The following MDN1 variants were observed in gnomAD, a reference collection of about 807,000 sequenced individuals.
MDN1 encodes the protein midasin AAA ATPase 1.
Under a neutral mutation model 669.2 loss-of-function variants are expected in MDN1, and 266 were observed. That is an observed-to-expected ratio of 0.40 (90% CI 0.36 to 0.44). The LOEUF (loss-of-function observed/expected upper bound fraction) is 0.44. MDN1 is among the 20% of genes least tolerant of loss of function. The probability of loss-of-function intolerance (pLI) is 1.00; values close to 1 mark genes in which losing one functional copy is unlikely to be tolerated. For synonymous variants in MDN1, 2,385 were observed against 2,457.1 expected, an observed-to-expected ratio of 0.97 and a Z score of 0.87; for missense variants, 5,940 against 6,754.0, an observed-to-expected ratio of 0.88 and a Z score of 4.22.
chr6:89,658,080 G>C, intron 90 of MDN1, 129 bp downstream of exon 90: 1 of 1,119,838 alleles, frequency 8.9e-7, no homozygotes, highest in Non-Finnish European at 1.3e-6. Context: ...TCTGTTAGAT[G>C]TCAACAACAA....
intron 37 of MDN1, among the ~76,000 whole-genome samples, chr6:89,726,634 T>C (rs1815258255): frequency 1.3e-5 from 2 of 152,186 alleles, no homozygotes; most frequent in Non-Finnish European, 2.9e-5. Context: ...AGTGAGTTAA[T>C]ACAGCTGATT....
At chr6:89,740,086 T>C in intron 32 of MDN1, 148 bp downstream of exon 32, 1 of 866,542 alleles carries the variant, frequency 1.2e-6, no homozygotes, top group Non-Finnish European at 1.7e-6. Flanking sequence ...ACCCAATAAT[T>C]ATTTTAAAAT....
At position 89,802,388 on chromosome 6, in the gene MDN1, A is replaced by G. The variant is rs188120934; in HGVS notation, c.329+940T>C. ...GACTAATAAATAAAACACTGGATAT[A>G]AGAAATGTTCTGTTGGCCGGGCACA... On this transcript the variant is annotated intron_variant, in intron 2 of 101. Coordinates refer to ENST00000369393, the MANE Select transcript of MDN1 (RefSeq NM_014611.3). Among the ~76,000 whole-genome samples the G allele has an allele frequency of 8.6e-3, 1,314 of 152,368 alleles. 10 individuals carry two copies. Among genetic ancestry groups the G allele is most frequent in the Middle Eastern group, 0.027 (8 of 294 alleles).
chr6:89,663,070 G>T (rs1339738993), intron 85 of MDN1, 103 bp from the exon 86 acceptor site: 13 of 1,279,000 alleles, frequency 1.0e-5, no homozygotes, highest in Non-Finnish European at 1.4e-5. Flanking sequence ...CCCCACCTGA[G>T]ATTTATTGCC....
chr6:89,818,938 G>A (rs1461769824), intron 1 of MDN1, among the ~76,000 whole-genome samples: 1 of 152,176 alleles, frequency 6.6e-6, no homozygotes, highest in Non-Finnish European at 1.5e-5. Flanking sequence ...CAGTGAGTAT[G>A]AGCTGTCTTG....
chr6:89,818,709 T>C (rs932043489), intron 1 of MDN1, among the ~76,000 whole-genome samples: 3 of 150,486 alleles, frequency 2.0e-5, no homozygotes, highest in Non-Finnish European at 4.4e-5. Flanking sequence ...ACTGAGAGGG[T>C]GAGGCAGGAG....
At chr6:89,670,074 G>A (rs1332677493) in intron 83 of MDN1, among the ~76,000 whole-genome samples, 5 of 142,066 alleles carry the variant, frequency 3.5e-5, no homozygotes, top group African/African-American at 1.3e-4. Flanking sequence ...GTGGTGGCAC[G>A]TGCCTGTAAT....
intron 15 of MDN1, among the ~76,000 whole-genome samples, chr6:89,770,350 G>A (rs1333241153): frequency 1.3e-5 from 2 of 149,566 alleles, no homozygotes; most frequent in Admixed American, 1.3e-4. Flanking sequence ...GTTGCAGTGA[G>A]CAGAGATCGC....
In MDN1 at chr6:89,700,063, C is replaced by G; in HGVS notation, c.8870G>C (p.Arg2957Thr). The change falls in exon 57 of 102, where the codon AGA becomes ACA. Residue 2957 changes from arginine to threonine, a missense_variant and splice_region_variant. By Grantham distance (71) the Arg-to-Thr change is moderately conservative. Coordinates refer to ENST00000369393, the MANE Select transcript of MDN1 (RefSeq NM_014611.3). ...GAAAACAACTGAAAGCATGGTTTAC[C>G]TTCTGAGACAAGCTTGTGCCATAAA... is the stretch of plus-strand genomic sequence containing the variant. ...ADFMAQACLRRCSKNQQPQIN... is the reference protein window; with the variant it reads ...ADFMAQACLRTCSKNQQPQIN... 4 of 1,613,416 alleles carry G rather than the reference C, an allele frequency of 2.5e-6. No homozygotes were observed. The highest frequency in any genetic ancestry group is 3.4e-6 in the Non-Finnish European group (4 of 1,179,460).
intron 40 of MDN1, among the ~76,000 whole-genome samples, chr6:89,721,052 C>T (rs1014649111): frequency 2.6e-5 from 4 of 152,142 alleles, no homozygotes; most frequent in African/African-American, 9.7e-5. Flanking sequence ...GTGGGAAGAT[C>T]CCTTGAGCCC....
chr6:89,670,162 A>T lies in MDN1; in HGVS notation c.13956+757T>A, dbSNP rs1427195998. ...AACATATATATATATATATATATAT[A>T]TATATATATTTTTTTTTTTTTTTTT... On this transcript the variant is annotated intron_variant, in intron 83 of 101. Transcript: ENST00000369393. Among the ~76,000 whole-genome samples, 36 of 22,280 alleles carry T rather than the reference A, an allele frequency of 1.6e-3. 2 individuals carry two copies. The East Asian group carries it at 0.028, about 18-fold the overall frequency. The allele number at this position is 22,280 out of a possible 152,430, so 14.6% of individuals were successfully genotyped here.
At chr6:89,708,417 A>AT (rs1285574486) in intron 51 of MDN1, 79 bp downstream of exon 51, 1 of 1,538,188 alleles carries the variant, frequency 6.5e-7, no homozygotes, top group Non-Finnish European at 8.8e-7. Context: ...CACATAAGCT[A>AT]TTTGACAGAT....
In MDN1 at chr6:89,803,441, C is replaced by T; in HGVS notation, c.216G>A (p.Leu72=). 1 of 1,614,116 alleles carries T rather than the reference C, an allele frequency of 6.2e-7. No individual in the cohort carries two copies. Residue 72 remains leucine, a synonymous_variant, in exon 2 of 102, where the codon TTG becomes TTA. Coordinates refer to ENST00000369393, the MANE Select transcript of MDN1 (RefSeq NM_014611.3). ...GRQLRPLLLD[L]LERNAEAIKA... is the part of the protein sequence containing the mutation. Reference sequence around the variant, plus strand: ...TAATGGCTTCGGCATTCCTTTCCAGCAAATCCAAAAGGAGAGGGCGAAGCT... The same window carrying T: ...TAATGGCTTCGGCATTCCTTTCCAGTAAATCCAAAAGGAGAGGGCGAAGCT...
chr6:89,803,637 A>T, intron 1 of MDN1, 83 bp from the exon 2 acceptor site: 1 of 1,010,140 alleles, frequency 9.9e-7, no homozygotes, highest in Non-Finnish European at 1.5e-6. Context: ...GAGCAAGTGC[A>T]GTGGTGCAAT....
chr6:89,712,443 C>T (rs1814006121), intron 48 of MDN1, 132 bp downstream of exon 48: 1 of 1,039,058 alleles, frequency 9.6e-7, no homozygotes, highest in African/African-American at 1.6e-5. Flanking sequence ...TCACAATGAA[C>T]AATAAAACTA....
At chr6:89,691,980 A>T (rs1157539052) in intron 63 of MDN1, among the ~76,000 whole-genome samples, 1 of 152,206 alleles carries the variant, frequency 6.6e-6, no homozygotes, top group Non-Finnish European at 1.5e-5. Context: ...GATAAATATT[A>T]ATATATATAC....
intron 73 of MDN1, 72 bp downstream of exon 73, chr6:89,683,059 TG>T (rs1285424716): frequency 2.7e-6 from 4 of 1,456,480 alleles, no homozygotes; most frequent in Non-Finnish European, 3.8e-6. Flanking sequence ...TACTGAGGCA[TG>T]CCTTGCACAT....
At chr6:89,803,583 A>AT in intron 1 of MDN1, 29 bp from the exon 2 acceptor site, 1 of 1,384,618 alleles carries the variant, frequency 7.2e-7, no homozygotes, top group Non-Finnish European at 9.8e-7. Flanking sequence ...AACATCTTTC[A>AT]CTTTTTTTTT....
chr6:89,722,873 G>T (rs1488969468), intron 40 of MDN1, 82 bp downstream of exon 40: 6 of 1,096,454 alleles, frequency 5.5e-6, no homozygotes, highest in African/African-American at 1.6e-5. Context: ...AAAAAGGCTT[G>T]CAATTAGTGT....
Sources: gnomAD v4.1 joint callset for allele counts (sites outside exome capture counted in the v4.1 genomes callset) on GRCh38, gnomAD v4.1.1 for gene constraint, MANE v1.5 for transcripts, NCBI Gene and HGNC (gene_info 2026-07-23, HGNC 2026-07-21) for gene names.